CEP85L: variants seen among roughly 807,000 people sequenced by gnomAD.
CEP85L encodes the protein centrosomal protein of 85 kDa-like.
Under a neutral mutation model 100.3 loss-of-function variants are expected in CEP85L, and 60 were observed. The ratio of observed to expected loss-of-function variants is 0.60; its 90% CI spans 0.49 to 0.74. CEP85L has a LOEUF of 0.74. CEP85L is among the 30% of genes least tolerant of loss of function. The pLI, the probability that CEP85L is intolerant of heterozygous loss-of-function variation, is 0.00. For missense variants in CEP85L, 973 were observed against 936.2 expected (o/e 1.04, Z -0.51); for synonymous variants, 319 against 322.7 (o/e 0.99, Z 0.12).
At chr6:118,630,045 A>G (rs941025907) in intron 2 of CEP85L, among the ~76,000 whole-genome samples, 14 of 152,208 alleles carry the variant, frequency 9.2e-5, no homozygotes, top group African/African-American at 3.4e-4. Flanking sequence ...CTGGCCAGTC[A>G]CCTGAGGATG....
chr6:118,575,245 T>G (rs1231997898), intron 2 of CEP85L, among the ~76,000 whole-genome samples: 1 of 152,168 alleles, frequency 6.6e-6, no homozygotes, highest in East Asian at 1.9e-4. Flanking sequence ...CTAGGTCTCA[T>G]GTTAAAATAT....
intron 1 of CEP85L, among the ~76,000 whole-genome samples, chr6:118,680,779 AG>A (rs1428257743): frequency 6.6e-6 from 1 of 151,502 alleles, no homozygotes; most frequent in East Asian, 2.0e-4. Flanking sequence ...CCGGAGGCTG[AG>A]GTTGGGGATC....
At position 118,565,516 on chromosome 6, in the gene CEP85L, T is replaced by A; in HGVS notation, c.1020+13A>T. ...CCACTGGAGGGAAGCAAACACTAGA[T>A]TTTGCACCTTACCTGCATTGGTGTT... is the stretch of plus-strand genomic sequence containing the variant. On this transcript the variant is annotated intron_variant, in intron 3 of 12. Coordinates refer to ENST00000368491, the MANE Select transcript of CEP85L (RefSeq NM_001042475.3). 6.2e-7 allele frequency: 1 copy of A among 1,613,114 alleles called. No individual in the cohort carries two copies. Among genetic ancestry groups the A allele is most frequent in the Non-Finnish European group, 8.5e-7 (1 of 1,179,168 alleles).
chr6:118,680,617 CTATAATCCCAGCT>C (rs1303033919), intron 1 of CEP85L, among the ~76,000 whole-genome samples: 1 of 152,154 alleles, frequency 6.6e-6, no homozygotes, highest in Non-Finnish European at 1.5e-5. Flanking sequence ...TGGCTCACGC[CTATAATCCCAGCT>C]TTTTGGAAGG....
chr6:118,527,592 T>C (rs1777052643), intron 3 of CEP85L, among the ~76,000 whole-genome samples: 1 of 152,174 alleles, frequency 6.6e-6, no homozygotes, highest in African/African-American at 2.4e-5. Flanking sequence ...ATCAATTTAA[T>C]GGGTAAGTCA....
chr6:118,572,697 G>A (rs1779975944), intron 2 of CEP85L, among the ~76,000 whole-genome samples: 2 of 152,116 alleles, frequency 1.3e-5, no homozygotes, highest in African/African-American at 2.4e-5. Context: ...CATCTAAAGA[G>A]TCTCCTAGGA....
chr6:118,566,246 A>C lies in CEP85L; in HGVS notation c.303T>G (p.His101Gln). The change falls in exon 3 of 13, where the codon CAT (histidine) becomes CAG (glutamine). Residue 101 changes from histidine (H) to glutamine (Q), a missense_variant. Physicochemically the swap from His to Gln is conservative, Grantham distance 24. Around this residue, in one of 3 missense-constraint regions of CEP85L, gnomAD observed 890 missense variants for 844.5 expected, o/e 1.05. Transcript: ENST00000368491. ...SQSLITLPTAHVMPSNSSASI... is the reference protein window; with the variant it reads ...SQSLITLPTAQVMPSNSSASI... ...AAGCGCTGGAATTAGACGGCATCAC[A>C]TGGGCAGTAGGAAGAGTAATCAATG... is the stretch of plus-strand genomic sequence containing the variant. The C allele has an allele frequency of 6.2e-7, 1 of 1,614,158 alleles. No homozygotes were observed. Among genetic ancestry groups the C allele is most frequent in the Non-Finnish European group, 8.5e-7 (1 of 1,179,976 alleles).
chr6:118,694,910 A>G (rs1295248416), intron 1 of CEP85L, among the ~76,000 whole-genome samples: 1 of 152,162 alleles, frequency 6.6e-6, no homozygotes, highest in Non-Finnish European at 1.5e-5. Flanking sequence ...TCCCTGGTAG[A>G]GTGACCTAGA....
At chr6:118,638,648 T>A (rs1189103656) in intron 1 of CEP85L, among the ~76,000 whole-genome samples, 1 of 151,278 alleles carries the variant, frequency 6.6e-6, no homozygotes, top group East Asian at 1.9e-4. Flanking sequence ...AAAGGACTGC[T>A]GTAAGAACAG....
intron 4 of CEP85L, among the ~76,000 whole-genome samples, chr6:118,520,644 G>C (rs888493405): frequency 2.6e-5 from 4 of 152,054 alleles, no homozygotes; most frequent in African/African-American, 9.7e-5. Context: ...CTTCTATCTA[G>C]CTGCAACTTT....
At chr6:118,564,134 T>A (rs62422181) in intron 3 of CEP85L, among the ~76,000 whole-genome samples, 25,085 of 152,100 alleles carry the variant, frequency 0.16, 2,207 homozygotes, top group Non-Finnish European at 0.19. Context: ...TACCCTCCTC[T>A]GCATTGCTTT....
Position 118,534,096 on chromosome 6 carries a change from C to T in CEP85L, c.1021-10176G>A, listed in dbSNP as rs577301898. 1.9e-3 allele frequency among the ~76,000 whole-genome samples: 292 copies of T among 151,400 alleles called. 1 individual carries two copies. Among genetic ancestry groups the T allele is most frequent in the African/African-American group, 6.8e-3 (279 of 40,868 alleles). On this transcript the variant is annotated intron_variant, in intron 3 of 12. Coordinates refer to ENST00000368491, the MANE Select transcript of CEP85L (RefSeq NM_001042475.3). ...CCGCCTGGAGAACAGAGTGAGACTCCGTCTCAAAACAAAACAAAAAAATCA... is the reference window on the plus strand; with the variant it reads ...CCGCCTGGAGAACAGAGTGAGACTCTGTCTCAAAACAAAACAAAAAAATCA...
At chr6:118,613,838 T>A (rs1386197626) in intron 2 of CEP85L, among the ~76,000 whole-genome samples, 1 of 151,368 alleles carries the variant, frequency 6.6e-6, no homozygotes, top group Non-Finnish European at 1.5e-5. Context: ...AGCACCATTC[T>A]ATACAATCTC....
chr6:118,475,185 G>A (rs911288293), intron 10 of CEP85L, among the ~76,000 whole-genome samples: 1 of 152,000 alleles, frequency 6.6e-6, no homozygotes, highest in African/African-American at 2.4e-5. Context: ...CTTATGGCTG[G>A]GGAAGTGGAT....
chr6:118,651,104 G>A, intron 1 of CEP85L, 93 bp downstream of exon 1: 4 of 1,415,086 alleles, frequency 2.8e-6, no homozygotes, highest in Admixed American at 3.2e-5. Context: ...GGGTAAGACA[G>A]GCCTGAGGCG....
Position 118,465,285 on chromosome 6 carries a change from C to T in CEP85L, c.*120G>A. 1 of 889,746 alleles carries T rather than the reference C, an allele frequency of 1.1e-6. No individual in the cohort carries two copies. The highest frequency in any genetic ancestry group is 1.6e-6 in the Non-Finnish European group (1 of 610,682). 55.1% of individuals were successfully genotyped at this position (889,746 alleles called of 1,614,324 possible). Reference sequence around the variant, plus strand: ...ACTTCCCTTCTCCCCTTCAACAAAACAAATCCACAGAAAAAAAATCCCTAA... The same window carrying T: ...ACTTCCCTTCTCCCCTTCAACAAAATAAATCCACAGAAAAAAAATCCCTAA... On this transcript the variant is annotated 3_prime_UTR_variant, in exon 13 of 13. Transcript: ENST00000368491.
intron 3 of CEP85L, among the ~76,000 whole-genome samples, chr6:118,540,299 C>G (rs1777836196): frequency 6.6e-6 from 1 of 152,100 alleles, no homozygotes; most frequent in Admixed American, 6.5e-5. Flanking sequence ...ATACTCAGCA[C>G]AGCACCTGAC....
chr6:118,649,513 C>G lies in CEP85L; in HGVS notation c.73+1684G>C, dbSNP rs144083632. 3.7e-3 allele frequency among the ~76,000 whole-genome samples: 567 copies of G among 152,280 alleles called. 3 individuals are homozygous for G. Among genetic ancestry groups the G allele is most frequent in the African/African-American group, 0.013 (541 of 41,548 alleles). On this transcript the variant is annotated intron_variant, in intron 1 of 12. Transcript: ENST00000368491. ...CATGCCTCAGTGATATACCTCCAAA[C>G]AAGCTGCTATTATCACGAATAAATT...
At chr6:118,689,996 C>A (rs1776982629) in intron 1 of CEP85L, among the ~76,000 whole-genome samples, 1 of 151,284 alleles carries the variant, frequency 6.6e-6, no homozygotes, top group Non-Finnish European at 1.5e-5. Flanking sequence ...TCAAGCAATC[C>A]TCCTGCCTTG....
Sources: allele counts gnomAD v4.1 joint callset (sites outside exome capture counted in the v4.1 genomes callset), GRCh38; gene constraint gnomAD v4.1.1; regional missense constraint gnomAD v4.1.1; transcripts MANE v1.5; gene names NCBI Gene and HGNC (gene_info 2026-07-23, HGNC 2026-07-21).